MTOR: variants seen among roughly 807,000 people sequenced by gnomAD.
MTOR encodes serine/threonine-protein kinase mTOR.
Under a neutral mutation model 319.8 loss-of-function variants are expected in MTOR, and 70 were observed. The ratio of observed to expected loss-of-function variants is 0.22; its 90% CI spans 0.18 to 0.27. The LOEUF (loss-of-function observed/expected upper bound fraction) is 0.27, where lower values mean the gene tolerates loss of function less well. MTOR is among the 10% of genes least tolerant of loss of function. The probability of loss-of-function intolerance (pLI) is 1.00; values close to 1 mark genes in which losing one functional copy is unlikely to be tolerated. For synonymous variants in MTOR, 1,183 were observed against 1,211.4 expected, an observed-to-expected ratio of 0.98 and a Z score of 0.49; for missense variants, 1,890 against 3,274.4, an observed-to-expected ratio of 0.58 and a Z score of 10.32.
At chr1:11,118,394 G>A (rs1642305114) in intron 49 of MTOR, among the ~76,000 whole-genome samples, 1 of 151,228 alleles carries the variant, frequency 6.6e-6, no homozygotes, top group African/African-American at 2.4e-5. Flanking sequence ...GTGCCACCAT[G>A]CCCAGCTAAT....
rs1570982738 is a variant in MTOR at position 11,144,353 on chromosome 1, A to AT, written c.4872+294dup. On this transcript the variant is annotated intron_variant, in intron 34 of 57. Coordinates refer to ENST00000361445, the MANE Select transcript of MTOR (RefSeq NM_004958.4). ...GTGCTGCTAAGGTTGAGAACCACTG[A>AT]TTTTGAGGTTATGATTCCTAACTGA... is the stretch of plus-strand genomic sequence containing the variant. The AT allele has an allele frequency of 3.8e-5, 12 of 318,776 alleles. No homozygotes were observed. The East Asian group carries it at 5.9e-4, about 16-fold the overall frequency. 19.7% of individuals were successfully genotyped at this position (318,776 alleles called of 1,614,324 possible). A position where few individuals can be genotyped will look rare whatever the true frequency, so the allele number is the denominator to read the frequency against.
At chr1:11,252,151 C>T (rs1464351495) in intron 6 of MTOR, among the ~76,000 whole-genome samples, 3 of 152,090 alleles carry the variant, frequency 2.0e-5, no homozygotes, top group Admixed American at 6.6e-5. Context: ...TGTATAGCTT[C>T]CCACATACTT....
intron 29 of MTOR, 44 bp downstream of exon 29, chr1:11,167,398 C>T (rs780000988): frequency 2.0e-5 from 31 of 1,516,970 alleles, no homozygotes; most frequent in Non-Finnish European, 2.8e-5. Context: ...ACTCCCTAGC[C>T]AAGTCTCTAC....
intron 28 of MTOR, among the ~76,000 whole-genome samples, chr1:11,192,615 A>G (rs1645586042): frequency 6.6e-6 from 1 of 151,884 alleles, no homozygotes; most frequent in Non-Finnish European, 1.5e-5. Flanking sequence ...AAAATTAGCC[A>G]GGCATGGTGG....
intron 5 of MTOR, 127 bp downstream of exon 5, chr1:11,255,865 A>AAT: frequency 1.1e-6 from 1 of 911,370 alleles, no homozygotes; most frequent in Non-Finnish European, 1.6e-6. Flanking sequence ...AAAAAAAAAA[A>AAT]TTCATTTGAG....
chr1:11,241,025 T>TA (rs879292370), intron 10 of MTOR, among the ~76,000 whole-genome samples: 22 of 145,228 alleles, frequency 1.5e-4, no homozygotes, highest in East Asian at 4.0e-4. Flanking sequence ...CTTTTCAGAT[T>TA]AAAAAAAAAA....
intron 25 of MTOR, 31 bp downstream of exon 25, chr1:11,209,281 C>T: frequency 1.2e-6 from 2 of 1,613,920 alleles, no homozygotes; most frequent in Middle Eastern, 1.6e-4. Context: ...CAGAGCTCTC[C>T]TTTCCCAGTC....
intron 28 of MTOR, among the ~76,000 whole-genome samples, chr1:11,184,046 T>C (rs1645238374): frequency 6.6e-6 from 1 of 152,258 alleles, no homozygotes; most frequent in South Asian, 2.1e-4. Context: ...GTCACTACTG[T>C]ACTGCCTTAC....
At chr1:11,126,015 T>A (rs986711220) in intron 46 of MTOR, among the ~76,000 whole-genome samples, 1 of 120,856 alleles carries the variant, frequency 8.3e-6, no homozygotes, top group Non-Finnish European at 1.6e-5. Flanking sequence ...TACTCCAGCC[T>A]GGGCAACAAG....
At position 11,127,959 on chromosome 1, in the gene MTOR, C is replaced by T. The variant is rs1205826872; in HGVS notation, c.6033+45G>A. The T allele has an allele frequency of 6.2e-7, 1 of 1,608,802 alleles. No individual in the cohort carries two copies. Among genetic ancestry groups the T allele is most frequent in the African/African-American group, 1.3e-5 (1 of 74,772 alleles). On this transcript the variant is annotated intron_variant, in intron 43 of 57. Coordinates refer to ENST00000361445, the MANE Select transcript of MTOR (RefSeq NM_004958.4). This position sits in a 1 kb window ranked among gnomAD's most constrained non-coding sequence, Gnocchi z 5.5. ...AAACAATCCCACTTGCGCCCACCAG[C>T]TAAGGGACCAGGGTCTATGAAGCCC...
intron 6 of MTOR, 47 bp from the exon 7 acceptor site, chr1:11,248,141 T>A (rs900142096): frequency 1.3e-6 from 2 of 1,527,192 alleles, no homozygotes; most frequent in African/African-American, 1.4e-5. Context: ...ATGACTGGCA[T>A]TCAAACTGGG....
At chr1:11,230,363 T>C (rs1216591026) in intron 18 of MTOR, among the ~76,000 whole-genome samples, 1 of 152,076 alleles carries the variant, frequency 6.6e-6, no homozygotes, top group African/African-American at 2.4e-5. Flanking sequence ...GAGGTTGCAG[T>C]GCTGTATTCC....
chr1:11,241,517 G>A (rs1393507294), intron 10 of MTOR, 36 bp downstream of exon 10: 36 of 1,586,938 alleles, frequency 2.3e-5, no homozygotes, highest in Admixed American at 3.5e-5. Flanking sequence ...CAAGCCTCAC[G>A]CTGATACAGG....
At chr1:11,253,548 C>A (rs1054899798) in intron 6 of MTOR, among the ~76,000 whole-genome samples, 1 of 152,090 alleles carries the variant, frequency 6.6e-6, no homozygotes, top group Admixed American at 6.6e-5. Context: ...GAACACAGTC[C>A]CCCGGCCTGC....
chr1:11,240,636 G>C (rs1429907924), intron 10 of MTOR, 89 bp from the exon 11 acceptor site: 2 of 1,484,674 alleles, frequency 1.3e-6, no homozygotes, highest in African/African-American at 2.8e-5. Flanking sequence ...CCCAGCAAGG[G>C]GATCAGGCCT....
At chr1:11,257,311 G>A (rs976370326) in intron 3 of MTOR, 146 bp from the exon 4 acceptor site, 12 of 671,330 alleles carry the variant, frequency 1.8e-5, no homozygotes, top group African/African-American at 7.3e-5. Context: ...TGAGGCGGGC[G>A]GATTGCCTGA....
intron 47 of MTOR, among the ~76,000 whole-genome samples, chr1:11,123,289 C>T (rs1339711185): frequency 6.6e-6 from 1 of 152,078 alleles, no homozygotes; most frequent in East Asian, 1.9e-4. Context: ...GATAGGGTCT[C>T]GCTGTTACCT....
chr1:11,179,700 TC>T (rs1645087497), intron 28 of MTOR, among the ~76,000 whole-genome samples: 1 of 152,070 alleles, frequency 6.6e-6, no homozygotes, highest in African/African-American at 2.4e-5. Flanking sequence ...AAATGCATGC[TC>T]TACTGATAAC....
intron 6 of MTOR, among the ~76,000 whole-genome samples, chr1:11,253,506 C>T (rs1441636066): frequency 6.6e-6 from 1 of 152,100 alleles, no homozygotes; most frequent in Non-Finnish European, 1.5e-5. Flanking sequence ...TCATCAATGT[C>T]TCACACTCTT....
Sources: gnomAD v4.1 joint callset for allele counts (sites outside exome capture counted in the v4.1 genomes callset) on GRCh38, gnomAD v4.1.1 for gene constraint, Gnocchi (gnomAD v3.1) non-coding constraint, MANE v1.5 for transcripts, NCBI Gene and HGNC (gene_info 2026-07-23, HGNC 2026-07-21) for gene names.